The following SESN2 variants were observed in gnomAD, a reference collection of about 807,000 sequenced individuals.
SESN2 encodes the protein sestrin-2.
In SESN2, 42 loss-of-function variants were observed where a neutral mutation model predicts 56.0. The observed-to-expected ratio is 0.75, with a 90% CI of 0.59 to 0.97. SESN2 has a LOEUF of 0.97. Ranked by LOEUF, SESN2 falls within the 50% of genes least tolerant of loss-of-function variation. SESN2 has a pLI of 0.00. For synonymous variants in SESN2, 264 were observed against 267.1 expected (o/e 0.99, Z 0.11); for missense variants, 507 against 649.4 (o/e 0.78, Z 2.38).
chr1:28,261,247 C>T (rs1340831275), intron 1 of SESN2, among the ~76,000 whole-genome samples: 4 of 152,246 alleles, frequency 2.6e-5, no homozygotes, highest in East Asian at 1.9e-4. Flanking sequence ...CCTTCTCTGC[C>T]GTGATTTAGG....
chr1:28,260,872 T>C (rs576296908), intron 1 of SESN2, among the ~76,000 whole-genome samples: 44 of 152,064 alleles, frequency 2.9e-4, no homozygotes, highest in African/African-American at 9.9e-4. Flanking sequence ...TACCAGGCTC[T>C]GAGTTTTTTT....
intron 2 of SESN2, 67 bp downstream of exon 2, chr1:28,269,315 G>A: frequency 1.9e-6 from 2 of 1,047,252 alleles, no homozygotes; most frequent in South Asian, 1.4e-5. Flanking sequence ...TTGGTAGGCA[G>A]GCATCTTTTC....
At chr1:28,270,261 G>T (rs1029245242) in intron 2 of SESN2, among the ~76,000 whole-genome samples, 1 of 151,712 alleles carries the variant, frequency 6.6e-6, no homozygotes, top group African/African-American at 2.4e-5. Flanking sequence ...TGAGGCAGGA[G>T]AATGGCATGA....
chr1:28,260,148 T>TC (rs528985354), intron 1 of SESN2, among the ~76,000 whole-genome samples: 1 of 79,868 alleles, frequency 1.3e-5, no homozygotes, highest in Non-Finnish European at 2.5e-5. Context: ...CCCCTCCCTC[T>TC]CCCCCTCCTC....
chr1:28,281,462 AAG>A lies in SESN2; in HGVS notation c.*661_*662del, dbSNP rs1491288762. 1 of 151,926 alleles carries A rather than the reference AAG, an allele frequency of 6.6e-6. No individual in the cohort carries two copies. Among genetic ancestry groups the A allele is most frequent in the Non-Finnish European group, 1.5e-5 (1 of 67,986 alleles). The allele number at this position is 151,926 out of a possible 1,614,324, so 9.4% of individuals were successfully genotyped here. A position where few individuals can be genotyped will look rare whatever the true frequency, so the allele number is the denominator to read the frequency against. On this transcript the variant is annotated 3_prime_UTR_variant, in exon 10 of 10. Transcript: ENST00000253063. ...GAGGCCAAGTACATAAAAAAAAAAA[AAG>A]CAGATTATCTCTAGAGAGTTTGAGC...
chr1:28,273,993 G>T (rs748985099), intron 6 of SESN2, 47 bp from the exon 7 acceptor site: 1 of 1,234,908 alleles, frequency 8.1e-7, no homozygotes. Flanking sequence ...ATGGACCCCT[G>T]CATGCCCCAT....
chr1:28,276,343 G>T (rs1176091633), intron 8 of SESN2, among the ~76,000 whole-genome samples: 8 of 151,854 alleles, frequency 5.3e-5, no homozygotes, highest in Non-Finnish European at 1.2e-4. Context: ...GCTGAGTGTG[G>T]TGGTGCATGC....
rs1648143552 is a variant in SESN2, at chr1:28,279,031, G to A, written c.1212-66G>A. On this transcript the variant is annotated intron_variant, in intron 8 of 9. Coordinates refer to ENST00000253063, the MANE Select transcript of SESN2 (RefSeq NM_031459.5). Reference sequence around the variant, plus strand: ...TCTGTTCTTCCCTCTGTAGGGTGGGGTTGCGGGGAGGGAGCTGCCTTTGGG... The same window carrying A: ...TCTGTTCTTCCCTCTGTAGGGTGGGATTGCGGGGAGGGAGCTGCCTTTGGG... 6.1e-5 allele frequency: 93 copies of A among 1,533,582 alleles called. 1 individual carries two copies. The South Asian group carries it at 1.0e-3, about 17-fold the overall frequency. 95.0% of individuals were successfully genotyped at this position (1,533,582 alleles called of 1,614,324 possible). A position where few individuals can be genotyped will look rare whatever the true frequency, so the allele number is the denominator to read the frequency against.
intron 1 of SESN2, among the ~76,000 whole-genome samples, chr1:28,260,158 C>T (rs893791901): frequency 6.8e-6 from 1 of 147,112 alleles, no homozygotes; most frequent in African/African-American, 2.5e-5. Context: ...TCCCCCTCCT[C>T]CCTCCCTCTC....
chr1:28,263,344 C>T (rs1647446538), intron 1 of SESN2, among the ~76,000 whole-genome samples: 1 of 152,202 alleles, frequency 6.6e-6, no homozygotes, highest in Non-Finnish European at 1.5e-5. Flanking sequence ...GTTCCCAGCT[C>T]ATGATGGGCA....
chr1:28,276,569 C>CTTT (rs1648050550), intron 8 of SESN2, among the ~76,000 whole-genome samples: 2 of 133,324 alleles, frequency 1.5e-5, no homozygotes, highest in African/African-American at 6.1e-5. Context: ...CTTTTTCTTT[C>CTTT]CTTTTTTTTT....
At chr1:28,274,378 T>C (rs1377604070) in intron 7 of SESN2, among the ~76,000 whole-genome samples, 2 of 152,096 alleles carry the variant, frequency 1.3e-5, no homozygotes, top group East Asian at 3.9e-4. Flanking sequence ...CAAAAACATT[T>C]AAAAAATTAA....
rs757888911 is a variant in SESN2, at chr1:28,274,948, A to C, written c.1144A>C (p.Ser382Arg). ...SLTYNTIAMH[S>R]GVDTSVLRRA... ...CACCTACAATACCATCGCCATGCAC[A>C]GTGGTGTGGACACCTCCGTGCTCCG... The change falls in exon 8 of 10, where the codon AGT becomes CGT. Residue 382 changes from serine (S) to arginine (R), a missense_variant. By Grantham distance (110) the Ser-to-Arg change is moderately radical. Coordinates refer to ENST00000253063, the MANE Select transcript of SESN2 (RefSeq NM_031459.5). 5.8e-5 allele frequency: 93 copies of C among 1,613,966 alleles called. No individual in the cohort carries two copies. Among genetic ancestry groups the C allele is most frequent in the Non-Finnish European group, 7.2e-5 (85 of 1,179,930 alleles).
intron 1 of SESN2, among the ~76,000 whole-genome samples, chr1:28,267,921 A>G (rs1647615950): frequency 6.6e-6 from 1 of 152,176 alleles, no homozygotes; most frequent in Non-Finnish European, 1.5e-5. Flanking sequence ...GAAACAAAAC[A>G]GACAATTTGA....
intron 2 of SESN2, among the ~76,000 whole-genome samples, chr1:28,270,481 C>T (rs550210967): frequency 2.0e-5 from 3 of 152,226 alleles, no homozygotes; most frequent in East Asian, 1.9e-4. Flanking sequence ...AAATATAAGG[C>T]GAACAACCAC....
chr1:28,264,413 T>C (rs2149036246), intron 1 of SESN2, among the ~76,000 whole-genome samples: 1 of 152,330 alleles, frequency 6.6e-6, no homozygotes, highest in African/African-American at 2.4e-5. Context: ...ACCTTCATGT[T>C]GAATGACCAC....
intron 1 of SESN2, among the ~76,000 whole-genome samples, chr1:28,266,349 T>C (rs1572092389): frequency 6.6e-6 from 1 of 152,300 alleles, no homozygotes; most frequent in East Asian, 1.9e-4. Flanking sequence ...AGGTTAATGA[T>C]ACCTGACTTT....
chr1:28,264,188 G>A (rs773312068), intron 1 of SESN2, among the ~76,000 whole-genome samples: 34 of 151,974 alleles, frequency 2.2e-4, no homozygotes, highest in Non-Finnish European at 4.0e-4. Context: ...GCTTGGTGGC[G>A]CATGCCTATA....
intron 1 of SESN2, among the ~76,000 whole-genome samples, chr1:28,260,871 C>T (rs1572089306): frequency 2.0e-5 from 3 of 152,166 alleles, no homozygotes; most frequent in Middle Eastern, 6.8e-3. Flanking sequence ...ATACCAGGCT[C>T]TGAGTTTTTT....
Sources: allele counts gnomAD v4.1 joint callset (sites outside exome capture counted in the v4.1 genomes callset), GRCh38; gene constraint gnomAD v4.1.1; transcripts MANE v1.5; gene names NCBI Gene and HGNC (gene_info 2026-07-23, HGNC 2026-07-21).